MTRR: variants seen among roughly 807,000 people sequenced by gnomAD.
The protein encoded by MTRR is methionine synthase reductase.
Under a neutral mutation model 79.2 loss-of-function variants are expected in MTRR, and 63 were observed. The ratio of observed to expected loss-of-function variants is 0.80; its 90% CI spans 0.65 to 0.98. The LOEUF (loss-of-function observed/expected upper bound fraction) is 0.98. MTRR is among the 50% of genes least tolerant of loss of function. The pLI is 0.00. For missense variants in MTRR, 895 were observed against 839.6 expected (o/e 1.07, Z -0.82); for synonymous variants, 355 against 313.3 (o/e 1.13, Z -1.41).
At chr5:7,867,397 G>A (rs767853842), upstream of MTRR, 6 of 1,614,082 alleles carry the variant, frequency 3.7e-6, no homozygotes, top group African/African-American at 4.0e-5. Context: ...AACCTGAACT[G>A]TGCAGTGTAA....
upstream of MTRR, among the ~76,000 whole-genome samples, chr5:7,866,225 A>C (rs1002136732): frequency 2.6e-5 from 4 of 152,208 alleles, no homozygotes; most frequent in Admixed American, 2.6e-4. Context: ...ATGTTCACAG[A>C]ATTAGTGGAA....
chr5:7,872,153 T>G, intron 2 of MTRR: 1 of 409,716 alleles, frequency 2.4e-6, no homozygotes, highest in South Asian at 1.8e-5. Context: ...TATGTAGAGT[T>G]TAACACACAA....
intron 1 of MTRR, among the ~76,000 whole-genome samples, chr5:7,858,766 T>C (rs1210368062): frequency 2.0e-5 from 3 of 151,982 alleles, no homozygotes; most frequent in Non-Finnish European, 4.4e-5. Flanking sequence ...CCTCTTCTCC[T>C]TGAAACTGTA....
chr5:7,877,846 C>A, intron 4 of MTRR, 98 bp from the exon 5 acceptor site: 1 of 1,520,406 alleles, frequency 6.6e-7, no homozygotes, highest in Non-Finnish European at 9.0e-7. Context: ...CTAACAAGTG[C>A]ATACTTTGCC....
intron 1 of MTRR, chr5:7,869,667 C>T (rs1008746824): frequency 2.0e-5 from 4 of 202,094 alleles, no homozygotes; most frequent in African/African-American, 7.2e-5. Flanking sequence ...ACCGCCTCCG[C>T]GCCGCTTCCG....
intron 9 of MTRR, chr5:7,890,192 C>T (rs1474472270): frequency 3.8e-5 from 34 of 892,820 alleles, no homozygotes; most frequent in South Asian, 1.5e-4. Context: ...AGATCCTTTT[C>T]GATGCCCAGT....
At chr5:7,888,755 G>A (rs1737035801) in intron 8 of MTRR, among the ~76,000 whole-genome samples, 2 of 152,170 alleles carry the variant, frequency 1.3e-5, no homozygotes, top group South Asian at 4.1e-4. Flanking sequence ...GAGCCCTTGA[G>A]AAATAAGCTA....
At chr5:7,883,337 G>A (rs941913969) in intron 6 of MTRR, 60 bp downstream of exon 6, 71 of 1,609,144 alleles carry the variant, frequency 4.4e-5, no homozygotes, top group Non-Finnish European at 5.8e-5. Context: ...AGAAAGAGTT[G>A]TGTGGTGCTT....
chr5:7,890,201 G>C, intron 9 of MTRR: 1 of 939,572 alleles, frequency 1.1e-6, no homozygotes, highest in Non-Finnish European at 1.3e-6. Context: ...TCGATGCCCA[G>C]TACAATTAAA....
rs187500386 is a variant in MTRR at position 7,863,697 on chromosome 5, T to C, written n.498+1640T>C. Among the ~76,000 whole-genome samples, 13 of 152,292 alleles carry C rather than the reference T, an allele frequency of 8.5e-5. 1 individual carries two copies. The East Asian group carries it at 2.5e-3, about 29-fold the overall frequency. The stretch of plus-strand genomic sequence containing the variant: ...ATATAATAAACGATGCTGGAGAAAA[T>C]GGTTATTTATTTGGAAAATAACTAA... On this transcript the variant is annotated intron_variant and non_coding_transcript_variant, in intron 2 of 3. Coordinates refer to the MTRR transcript ENST00000502509.
chr5:7,851,013 G>C, upstream of MTRR: 1 of 1,261,216 alleles, frequency 7.9e-7, no homozygotes, highest in Middle Eastern at 2.9e-4. Flanking sequence ...CCTCCTCGTC[G>C]TCCTCCATGC....
In MTRR at chr5:7,900,882, C is replaced by A. The variant is rs1433627746; in HGVS notation, c.*824C>A. ...CACATTATTTGTCTCCATGATACCA[C>A]TCAAGCAGTGTGCTGGACCTAAAAT... On this transcript the variant is annotated 3_prime_UTR_variant, in exon 15 of 15. Coordinates refer to ENST00000440940, the MANE Select transcript of MTRR (RefSeq NM_002454.3). The A allele has an allele frequency of 1.0e-5, 1 of 98,074 alleles. No homozygotes were observed. The highest frequency in any genetic ancestry group is 2.6e-5 in the Non-Finnish European group (1 of 38,270). 6.1% of individuals were successfully genotyped at this position (98,074 alleles called of 1,614,324 possible). A position where few individuals can be genotyped will look rare whatever the true frequency, so the allele number is the denominator to read the frequency against.
In MTRR at chr5:7,852,189, C is replaced by T. The variant is rs74965438; in HGVS notation, n.391+604C>T. ...TTACAGATGATGGAAGGAGCAGTGC[C>T]CTGCCTTCTTCCCCATCCCTGCAAC... On this transcript the variant is annotated intron_variant and non_coding_transcript_variant, in intron 1 of 3. Transcript: ENST00000502509. 4.0e-3 allele frequency among the ~76,000 whole-genome samples: 609 copies of T among 152,262 alleles called. 6 individuals carry two copies. Among genetic ancestry groups the T allele is most frequent in the African/African-American group, 0.014 (567 of 41,554 alleles).
intron 6 of MTRR, 141 bp from the exon 7 acceptor site, chr5:7,885,560 G>GT: frequency 3.6e-6 from 3 of 837,050 alleles, no homozygotes; most frequent in Non-Finnish European, 1.8e-6. Flanking sequence ...AAACAATTGT[G>GT]TGTTTTTTTT....
intron 3 of MTRR, 148 bp from the exon 4 acceptor site, chr5:7,875,110 C>T (rs767762297): frequency 1.1e-4 from 73 of 689,612 alleles, no homozygotes; most frequent in Non-Finnish European, 1.8e-4. Context: ...CATAGAATTA[C>T]TCAAGGAAAA....
At chr5:7,885,018 C>T (rs1360664197) in intron 6 of MTRR, 1 of 152,698 alleles carries the variant, frequency 6.5e-6, no homozygotes, top group Admixed American at 6.5e-5. Context: ...TCCAGTCTCT[C>T]TCCCTTGCTG....
At chr5:7,856,774 A>ATTTTTTTTTTTAATTTTATTCAT (rs5865740) in intron 1 of MTRR, 3 of 141,404 alleles carry the variant, frequency 2.1e-5, no homozygotes, top group South Asian at 4.5e-4. Flanking sequence ...AATTTTATTT[A>ATTTTTTTTTTTAATTTTATTCAT]TTTTTTTTTT....
At chr5:7,871,064 G>A in intron 2 of MTRR, 141 bp downstream of exon 2, 1 of 1,003,606 alleles carries the variant, frequency 1.0e-6, no homozygotes, top group Non-Finnish European at 1.5e-6. Flanking sequence ...CAATGGTATA[G>A]TAAGATATCA....
intron 2 of MTRR, 87 bp from the exon 3 acceptor site, chr5:7,873,286 A>G: frequency 1.3e-6 from 2 of 1,538,174 alleles, no homozygotes; most frequent in Non-Finnish European, 9.0e-7. Context: ...AATACAAGAC[A>G]GGAAACTAAG....
Sources: gnomAD v4.1 joint callset for allele counts (sites outside exome capture counted in the v4.1 genomes callset) on GRCh38, gnomAD v4.1.1 for gene constraint, MANE v1.5 for transcripts, NCBI Gene and HGNC (gene_info 2026-07-23, HGNC 2026-07-21) for gene names.